The following CDIP1 variants were observed in gnomAD, a reference collection of about 807,000 sequenced individuals.
CDIP1 encodes cell death inducing p53 target 1.
Under a neutral mutation model 17.7 loss-of-function variants are expected in CDIP1, and 9 were observed. That is an observed-to-expected ratio of 0.51 (90% CI 0.31 to 0.89). The LOEUF (loss-of-function observed/expected upper bound fraction) is 0.89, where lower values mean the gene tolerates loss of function less well. Among genes scored for constraint, CDIP1 ranks in the 40% least tolerant of loss-of-function variants. The pLI, the probability that CDIP1 is intolerant of heterozygous loss-of-function variation, is 0.05. For synonymous variants in CDIP1, 117 were observed against 109.5 expected, an observed-to-expected ratio of 1.07 and a Z score of -0.43; for missense variants, 263 against 277.9, an observed-to-expected ratio of 0.95 and a Z score of 0.38.
intron 1 of CDIP1, among the ~76,000 whole-genome samples, chr16:4,521,393 C>T (rs1159124830): frequency 1.3e-5 from 2 of 152,066 alleles, no homozygotes; most frequent in Non-Finnish European, 2.9e-5. Flanking sequence ...TTAAGGGGTG[C>T]GTATCAGCCA....
intron 1 of CDIP1, chr16:4,536,595 A>G (rs929890068): frequency 2.0e-5 from 3 of 152,084 alleles, no homozygotes; most frequent in African/African-American, 7.2e-5. Flanking sequence ...CATACAGTCA[A>G]TGTTCTGCTC....
At chr16:4,531,531 T>C (rs1292180528) in intron 1 of CDIP1, among the ~76,000 whole-genome samples, 1 of 152,208 alleles carries the variant, frequency 6.6e-6, no homozygotes, top group Non-Finnish European at 1.5e-5. Context: ...CATTCATTTC[T>C]GTCTTAAATG....
chr16:4,529,251 C>T (rs7188489), intron 1 of CDIP1, among the ~76,000 whole-genome samples: 2,197 of 152,272 alleles, frequency 0.014, 52 homozygotes, highest in African/African-American at 0.051. Flanking sequence ...ATGTAATGAC[C>T]TCACAGTCCT....
At chr16:4,517,716 G>A (rs1596487078) in intron 1 of CDIP1, among the ~76,000 whole-genome samples, 1 of 151,502 alleles carries the variant, frequency 6.6e-6, no homozygotes, top group Admixed American at 6.6e-5. Flanking sequence ...ACTCTAGCCT[G>A]GGCAACAGTG....
At chr16:4,537,502 C>A (rs2059120699) in intron 1 of CDIP1, among the ~76,000 whole-genome samples, 1 of 152,174 alleles carries the variant, frequency 6.6e-6, no homozygotes, top group Admixed American at 6.5e-5. Flanking sequence ...GCCCGGGCAC[C>A]GCCCCGCCCA....
intron 1 of CDIP1, among the ~76,000 whole-genome samples, chr16:4,516,573 C>G (rs938533986): frequency 5.3e-5 from 8 of 151,796 alleles, no homozygotes; most frequent in Non-Finnish European, 1.0e-4. Flanking sequence ...AGGCTGGTCT[C>G]GAACTCCTGG....
chr16:4,528,801 CA>C (rs1181287027), intron 1 of CDIP1, among the ~76,000 whole-genome samples: 2 of 151,706 alleles, frequency 1.3e-5, no homozygotes. Context: ...CCAGCCTGGC[CA>C]ACATGGTGAA....
chr16:4,534,435 G>C (rs1488899261), intron 1 of CDIP1, among the ~76,000 whole-genome samples: 2 of 152,350 alleles, frequency 1.3e-5, no homozygotes, highest in South Asian at 2.1e-4. Flanking sequence ...GGGGCTGGGA[G>C]AGCCCACGTC....
chr16:4,513,843 A>G lies in CDIP1; in HGVS notation c.94T>C (p.Ser32Pro). The G allele has an allele frequency of 6.3e-7, 1 of 1,581,274 alleles. No individual in the cohort carries two copies. The highest frequency in any genetic ancestry group is 1.2e-5 in the South Asian group (1 of 85,388). ...GGAGGGGGCTGCATCACAGCTGGGGAGGAACGGCCTGGACAGAGAGAGGCA... is the reference window on the plus strand; with the variant it reads ...GGAGGGGGCTGCATCACAGCTGGGGGGGAACGGCCTGGACAGAGAGAGGCA... ...SGAPPTPGRS[S>P]PAVMQPPPGM... Residue 32 changes from serine to proline, a missense_variant, in exon 4 of 6, where the codon TCC (serine) becomes CCC (proline). By Grantham distance (74) the Ser-to-Pro change is moderately conservative (BLOSUM62 -1). Coordinates refer to ENST00000567695, the MANE Select transcript of CDIP1 (RefSeq NM_013399.3). This position sits in a 1 kb window ranked among gnomAD's most constrained non-coding sequence, Gnocchi z 4.1.
At chr16:4,536,281 G>C (rs1258964522) in intron 1 of CDIP1, among the ~76,000 whole-genome samples, 2 of 152,174 alleles carry the variant, frequency 1.3e-5, no homozygotes, top group African/African-American at 4.8e-5. Context: ...TGAAGGGCTG[G>C]TGTTTGTGGC....
chr16:4,523,332 G>A (rs2058970006), intron 1 of CDIP1, among the ~76,000 whole-genome samples: 1 of 152,172 alleles, frequency 6.6e-6, no homozygotes, highest in Non-Finnish European at 1.5e-5. Flanking sequence ...TGGCCAACAC[G>A]GTGAAACCCC....
chr16:4,525,877 C>T (rs1263793602), intron 1 of CDIP1, among the ~76,000 whole-genome samples: 1 of 152,178 alleles, frequency 6.6e-6, no homozygotes, highest in African/African-American at 2.4e-5. Context: ...CTGATGGAGG[C>T]AGGACGAGAC....
chr16:4,515,475 A>G (rs981100494), intron 1 of CDIP1, among the ~76,000 whole-genome samples: 2 of 152,264 alleles, frequency 1.3e-5, no homozygotes, highest in African/African-American at 4.8e-5. Context: ...CTTAAAGTGG[A>G]TGTCATCAGA....
chr16:4,517,752 A>C (rs1376974280), intron 1 of CDIP1, among the ~76,000 whole-genome samples: 19 of 151,654 alleles, frequency 1.3e-4, no homozygotes, highest in East Asian at 1.2e-3. Flanking sequence ...AAAAACAAAA[A>C]AAAAAAAAAC....
In CDIP1 at chr16:4,513,786, G is replaced by A. The variant is rs1321688243; in HGVS notation, c.151C>T (p.Pro51Ser). 5.6e-6 allele frequency: 9 copies of A among 1,605,874 alleles called. No individual in the cohort carries two copies. The African/African-American group carries it at 9.4e-5, about 17-fold the overall frequency. The change falls in exon 4 of 6, where the codon CCC becomes TCC. Residue 51 changes from proline to serine, a missense_variant. Pro to Ser is a moderately conservative substitution (Grantham distance 74). Coordinates refer to ENST00000567695, the MANE Select transcript of CDIP1 (RefSeq NM_013399.3). The surrounding 1 kb of genome is among the most constrained non-coding windows in gnomAD (Gnocchi z 4.1). ...GMPLPPADIG[P>S]PPYEPPGHPM... is the part of the protein sequence containing the mutation. ...TGACCCGGCGGCTCATAGGGTGGGG[G>A]GCCAATGTCCGCAGGGGGCAGTGGC...
chr16:4,512,970 T>C lies in CDIP1; in HGVS notation c.336A>G (p.Thr112=). 6.3e-7 allele frequency: 1 copy of C among 1,588,546 alleles called. No individual in the cohort carries two copies. Among genetic ancestry groups the C allele is most frequent in the South Asian group, 1.1e-5 (1 of 87,250 alleles). The change falls in exon 5 of 6, where the codon ACA becomes ACG. Residue 112 remains threonine, a synonymous_variant. Coordinates refer to ENST00000567695, the MANE Select transcript of CDIP1 (RefSeq NM_013399.3). This position sits in a 1 kb window ranked among gnomAD's most constrained non-coding sequence, Gnocchi z 4.6. ...CTCCTGAAGGGACCAGGACTGTGGCTGTGTGGCCCCCAGGGCCAGGGTAGG... is the reference window on the plus strand; with the variant it reads ...CTCCTGAAGGGACCAGGACTGTGGCCGTGTGGCCCCCAGGGCCAGGGTAGG... ...PGPYPGPGGH[T]ATVLVPSGAA... is the part of the protein sequence containing the mutation.
intron 1 of CDIP1, among the ~76,000 whole-genome samples, chr16:4,524,737 G>A (rs934245084): frequency 3.3e-5 from 5 of 152,194 alleles, no homozygotes; most frequent in African/African-American, 4.8e-5. Context: ...TTCCACATGA[G>A]TAATAAAACT....
chr16:4,513,354 G>C lies in CDIP1; in HGVS notation c.242-290C>G, dbSNP rs2058853487. ...CCCTCTGCTCCTCTGTCTGTCTCCA[G>C]CATGCAAGGACAGGGCACTCAGCCT... On this transcript the variant is annotated intron_variant, in intron 4 of 5. Coordinates refer to ENST00000567695, the MANE Select transcript of CDIP1 (RefSeq NM_013399.3). This position sits in a 1 kb window ranked among gnomAD's most constrained non-coding sequence, Gnocchi z 4.1. 6.6e-6 allele frequency among the ~76,000 whole-genome samples: 1 copy of C among 152,152 alleles called. No homozygotes were observed. The highest frequency in any genetic ancestry group is 2.4e-5 in the African/African-American group (1 of 41,426).
At chr16:4,532,029 T>G (rs1408567870) in intron 1 of CDIP1, among the ~76,000 whole-genome samples, 7 of 152,206 alleles carry the variant, frequency 4.6e-5, no homozygotes, top group Non-Finnish European at 7.3e-5. Flanking sequence ...ATTCAAGGAC[T>G]TTAGAGGACA....
Sources: allele counts gnomAD v4.1 joint callset (sites outside exome capture counted in the v4.1 genomes callset), GRCh38; gene constraint gnomAD v4.1.1; non-coding constraint Gnocchi (gnomAD v3.1); transcripts MANE v1.5; gene names NCBI Gene and HGNC (gene_info 2026-07-23, HGNC 2026-07-21).